The following YAF2 variants were observed in gnomAD, a reference collection of about 807,000 sequenced individuals.
YAF2 encodes the protein YY1-associated factor 2.
Under a neutral mutation model 20.1 loss-of-function variants are expected in YAF2, and 7 were observed. That is an observed-to-expected ratio of 0.35 (90% CI 0.20 to 0.65). The LOEUF is 0.65. YAF2 is among the 30% of genes least tolerant of loss of function. The pLI is 0.69. For synonymous variants in YAF2, 74 were observed against 76.0 expected, an observed-to-expected ratio of 0.97 and a Z score of 0.14; for missense variants, 151 against 219.2, an observed-to-expected ratio of 0.69 and a Z score of 1.96.
chr12:42,203,059 T>C (rs1011422395), intron 2 of YAF2, among the ~76,000 whole-genome samples: 1 of 151,418 alleles, frequency 6.6e-6, no homozygotes, highest in Non-Finnish European at 1.5e-5. Context: ...AGGAAGGTCA[T>C]TTTCCACAAA....
intron 2 of YAF2, chr12:42,210,787 G>T: frequency 2.0e-6 from 2 of 983,618 alleles, no homozygotes; most frequent in Non-Finnish European, 2.8e-6. Context: ...ACGTATCAAA[G>T]TAAATATGGA....
intron 2 of YAF2, among the ~76,000 whole-genome samples, chr12:42,194,707 G>A (rs1592219499): frequency 1.3e-5 from 2 of 152,140 alleles, no homozygotes; most frequent in African/African-American, 4.8e-5. Context: ...GTGTTGTACA[G>A]TTACTCACTC....
chr12:42,200,879 A>G (rs2066880649), intron 2 of YAF2, among the ~76,000 whole-genome samples: 1 of 152,210 alleles, frequency 6.6e-6, no homozygotes. Context: ...TTTACTAGCT[A>G]TGAGAGTGAG....
At chr12:42,190,614 T>A (rs1187645856) in intron 2 of YAF2, among the ~76,000 whole-genome samples, 1 of 152,198 alleles carries the variant, frequency 6.6e-6, no homozygotes, top group Admixed American at 6.5e-5. Context: ...GTGTTTGTTT[T>A]CATTTTCTAG....
intron 2 of YAF2, among the ~76,000 whole-genome samples, chr12:42,192,248 C>T (rs994762013): frequency 3.9e-5 from 6 of 152,002 alleles, no homozygotes; most frequent in African/African-American, 1.2e-4. Flanking sequence ...TGGCACATGC[C>T]TGTAATCCCA....
chr12:42,207,381 A>C (rs908967105), intron 2 of YAF2, among the ~76,000 whole-genome samples: 5 of 152,202 alleles, frequency 3.3e-5, no homozygotes, highest in African/African-American at 9.6e-5. Flanking sequence ...CTGTATTTCC[A>C]CTTTGTTTTC....
chr12:42,235,785 C>A, intron 2 of YAF2: 1 of 1,535,924 alleles, frequency 6.5e-7, no homozygotes, highest in Non-Finnish European at 8.7e-7. Flanking sequence ...TCAGGGGCCC[C>A]CATGTGGGCC....
At chr12:42,199,475 G>A in intron 2 of YAF2, 1 of 193,246 alleles carries the variant, frequency 5.2e-6, no homozygotes, top group South Asian at 8.1e-5. Context: ...CACATACATG[G>A]GACTCCAATT....
At chr12:42,234,084 T>C (rs990053808) in intron 2 of YAF2, 3 of 662,762 alleles carry the variant, frequency 4.5e-6, no homozygotes, top group Non-Finnish European at 5.6e-6. Flanking sequence ...GGCATGAGAA[T>C]TGCTTGAACC....
At chr12:42,180,439 C>G (rs915310304) in intron 2 of YAF2, among the ~76,000 whole-genome samples, 2 of 152,134 alleles carry the variant, frequency 1.3e-5, no homozygotes, top group Non-Finnish European at 2.9e-5. Flanking sequence ...GTGAGTGATT[C>G]CTCCTGTCGG....
At chr12:42,163,951 A>G (rs2065854611) in intron 2 of YAF2, among the ~76,000 whole-genome samples, 1 of 152,192 alleles carries the variant, frequency 6.6e-6, no homozygotes, top group Non-Finnish European at 1.5e-5. Flanking sequence ...GAAATTTTAG[A>G]GGTAGGAAAT....
chr12:42,228,135 CGGGAGGGAGG>C (rs2067814155), intron 2 of YAF2, among the ~76,000 whole-genome samples: 2 of 55,522 alleles, frequency 3.6e-5, no homozygotes, highest in East Asian at 7.4e-4. Context: ...CCGCCCCGTC[CGGGAGGGAGG>C]TGGGGGGGGT....
chr12:42,186,167 G>A (rs1354281306), intron 2 of YAF2, among the ~76,000 whole-genome samples: 1 of 125,272 alleles, frequency 8.0e-6, no homozygotes, highest in Admixed American at 9.8e-5. Context: ...TCCAGCCTGG[G>A]CACCAGAGCC....
At position 42,174,183 on chromosome 12, in the gene YAF2, A is replaced by G. The variant is rs1024509808; in HGVS notation, c.153-12418T>C. Among the ~76,000 whole-genome samples, 29 of 152,080 alleles carry G rather than the reference A, an allele frequency of 1.9e-4. 1 individual carries two copies. The highest frequency in any genetic ancestry group is 6.8e-4 in the African/African-American group (28 of 41,480). ...TTGTTTTCTTTTCCATGACACCTCA[A>G]AAAAATTTTCTATACTCACTCTATA... is the stretch of plus-strand genomic sequence containing the variant. On this transcript the variant is annotated intron_variant, in intron 2 of 3. Transcript: ENST00000534854.
At chr12:42,213,470 C>T (rs1454758947) in intron 2 of YAF2, among the ~76,000 whole-genome samples, 2 of 152,184 alleles carry the variant, frequency 1.3e-5, no homozygotes, top group Non-Finnish European at 2.9e-5. Context: ...TAATAGCCAT[C>T]TCTAAAGTAA....
chr12:42,221,864 C>T (rs1001902524), intron 2 of YAF2, among the ~76,000 whole-genome samples: 3 of 152,218 alleles, frequency 2.0e-5, no homozygotes, highest in East Asian at 1.9e-4. Flanking sequence ...TCTCTACTTA[C>T]AATCTCTCAA....
intron 2 of YAF2, among the ~76,000 whole-genome samples, chr12:42,166,311 T>C (rs2065916237): frequency 6.6e-6 from 1 of 152,230 alleles, no homozygotes; most frequent in African/African-American, 2.4e-5. Context: ...TGACAACTCA[T>C]AATTTCTTGA....
intron 2 of YAF2, among the ~76,000 whole-genome samples, chr12:42,230,367 A>T (rs1352676288): frequency 6.6e-6 from 1 of 152,226 alleles, no homozygotes; most frequent in East Asian, 1.9e-4. Flanking sequence ...GATTGGGATA[A>T]GCAGCAGGAA....
intron 2 of YAF2, among the ~76,000 whole-genome samples, chr12:42,227,146 C>A (rs1181941660): frequency 6.9e-6 from 1 of 145,932 alleles, no homozygotes; most frequent in Non-Finnish European, 1.5e-5. Context: ...GCGAGCGCCG[C>A]CCGGGAGGCA....
Sources: allele counts gnomAD v4.1 joint callset (sites outside exome capture counted in the v4.1 genomes callset), GRCh38; gene constraint gnomAD v4.1.1; transcripts MANE v1.5; gene names NCBI Gene and HGNC (gene_info 2026-07-23, HGNC 2026-07-21).